The following SSBP2 variants were observed in gnomAD, a reference collection of about 807,000 sequenced individuals.
The protein encoded by SSBP2 is single stranded DNA binding protein 2.
A neutral mutation model predicts 61.8 loss-of-function variants in SSBP2; 17 were observed. That is an observed-to-expected ratio of 0.28 (90% CI 0.19 to 0.41). The LOEUF (loss-of-function observed/expected upper bound fraction) is 0.41. Ranked by LOEUF, SSBP2 falls within the 10% of genes least tolerant of loss-of-function variation. SSBP2 has a pLI of 1.00. For missense variants in SSBP2, 310 were observed against 458.7 expected, an observed-to-expected ratio of 0.68 and a Z score of 2.96; for synonymous variants, 139 against 141.3, an observed-to-expected ratio of 0.98 and a Z score of 0.12.
At chr5:81,724,782 G>C (rs1014963810) in intron 1 of SSBP2, among the ~76,000 whole-genome samples, 1 of 152,032 alleles carries the variant, frequency 6.6e-6, no homozygotes, top group Non-Finnish European at 1.5e-5. Context: ...TACATGTTGT[G>C]ACGTGATGAT....
intron 4 of SSBP2, among the ~76,000 whole-genome samples, chr5:81,535,674 C>T (rs564942922): frequency 6.6e-6 from 1 of 152,016 alleles, no homozygotes; most frequent in Admixed American, 6.5e-5. Flanking sequence ...GCCTTTTCAA[C>T]AAGTGTTGCT....
chr5:81,539,485 A>C (rs1320541289), intron 4 of SSBP2, among the ~76,000 whole-genome samples: 1 of 152,160 alleles, frequency 6.6e-6, no homozygotes, highest in Non-Finnish European at 1.5e-5. Flanking sequence ...ACTAAAACTG[A>C]CTCCAATTTT....
intron 6 of SSBP2, among the ~76,000 whole-genome samples, chr5:81,476,418 C>G (rs1409408522): frequency 6.6e-6 from 1 of 152,190 alleles, no homozygotes; most frequent in Non-Finnish European, 1.5e-5. Context: ...TTGTTCCTAT[C>G]TATGTCTATT....
At chr5:81,615,440 A>G in intron 4 of SSBP2, 33 bp downstream of exon 4, 1 of 1,473,940 alleles carries the variant, frequency 6.8e-7, no homozygotes, top group Non-Finnish European at 9.5e-7. Flanking sequence ...GAAAACTGAC[A>G]GTGTAACTTT....
chr5:81,576,062 C>A (rs897029515), intron 4 of SSBP2, among the ~76,000 whole-genome samples: 6 of 152,092 alleles, frequency 3.9e-5, no homozygotes, highest in African/African-American at 7.2e-5. Context: ...TGGGGTCCAG[C>A]GATATTATCA....
chr5:81,526,857 G>A (rs1346783687), intron 4 of SSBP2, among the ~76,000 whole-genome samples: 1 of 151,770 alleles, frequency 6.6e-6, no homozygotes, highest in African/African-American at 2.4e-5. Flanking sequence ...AAAATAAGGT[G>A]TCCTTTACAG....
In SSBP2 at chr5:81,685,207, C is replaced by T. The variant is rs1382069895; in HGVS notation, c.63-34868G>A. On this transcript the variant is annotated intron_variant, in intron 1 of 16. Transcript: ENST00000320672. ...CTGTTAAGTCTGCAGATCTGTGAGT[C>T]AATTAAATCTCTTCTCTTCATAAAT... 2.0e-5 allele frequency among the ~76,000 whole-genome samples: 3 copies of T among 152,078 alleles called. No homozygotes were observed. The East Asian group carries it at 5.8e-4, about 29-fold the overall frequency.
chr5:81,636,802 C>T (rs746755163), intron 2 of SSBP2, among the ~76,000 whole-genome samples, 184 bp from the exon 3 acceptor site: 3 of 152,204 alleles, frequency 2.0e-5, no homozygotes, highest in Non-Finnish European at 4.4e-5. Flanking sequence ...GGATTAGTCT[C>T]AGAGAGATGT....
At chr5:81,679,090 G>C (rs561607411) in intron 1 of SSBP2, among the ~76,000 whole-genome samples, 1 of 152,300 alleles carries the variant, frequency 6.6e-6, no homozygotes, top group African/African-American at 2.4e-5. Context: ...GCTAACTGCA[G>C]CCTCTGCCTC....
intron 14 of SSBP2, among the ~76,000 whole-genome samples, chr5:81,438,825 T>A (rs1334107083): frequency 6.6e-6 from 1 of 152,226 alleles, no homozygotes; most frequent in East Asian, 1.9e-4. Flanking sequence ...TCAAGAATGG[T>A]GCTGTCCAAT....
chr5:81,644,990 T>C (rs901020216), intron 2 of SSBP2, among the ~76,000 whole-genome samples: 2 of 152,132 alleles, frequency 1.3e-5, no homozygotes, highest in East Asian at 1.9e-4. Flanking sequence ...AATAAGAAAC[T>C]ATACAAGATA....
chr5:81,672,460 G>A (rs1415020897), intron 1 of SSBP2, among the ~76,000 whole-genome samples: 2 of 152,010 alleles, frequency 1.3e-5, no homozygotes, highest in Non-Finnish European at 2.9e-5. Flanking sequence ...TGTTTAAGAT[G>A]ATCTCCACAT....
At chr5:81,707,644 C>T (rs1207111377) in intron 1 of SSBP2, among the ~76,000 whole-genome samples, 5 of 152,134 alleles carry the variant, frequency 3.3e-5, no homozygotes, top group Non-Finnish European at 7.4e-5. Flanking sequence ...TTTGTTACAG[C>T]AGCCCTTGCA....
intron 1 of SSBP2, among the ~76,000 whole-genome samples, chr5:81,666,846 G>A (rs1035616927): frequency 2.6e-5 from 4 of 152,124 alleles, no homozygotes; most frequent in African/African-American, 9.7e-5. Flanking sequence ...CTCACAGAGA[G>A]CATATTGTCC....
At chr5:81,710,016 A>G (rs756619155) in intron 1 of SSBP2, among the ~76,000 whole-genome samples, 1 of 152,064 alleles carries the variant, frequency 6.6e-6, no homozygotes, top group Non-Finnish European at 1.5e-5. Context: ...ATATTCAACT[A>G]CAGATGGCTC....
chr5:81,449,891 A>G (rs1317088732), intron 10 of SSBP2, among the ~76,000 whole-genome samples: 1 of 152,218 alleles, frequency 6.6e-6, no homozygotes, highest in Non-Finnish European at 1.5e-5. Flanking sequence ...AGTGCCCAGC[A>G]TCACTAGGGA....
At chr5:81,563,342 G>A (rs1387027130) in intron 4 of SSBP2, among the ~76,000 whole-genome samples, 2 of 151,956 alleles carry the variant, frequency 1.3e-5, no homozygotes, top group Non-Finnish European at 2.9e-5. Flanking sequence ...TCCAAACTCT[G>A]GAGCATACAT....
intron 1 of SSBP2, among the ~76,000 whole-genome samples, chr5:81,726,292 C>G (rs1049675661): frequency 3.3e-5 from 5 of 152,106 alleles, no homozygotes; most frequent in Non-Finnish European, 7.4e-5. Context: ...GTAACTAAAT[C>G]TGATTTGGGA....
chr5:81,713,819 TAA>T (rs1032895474), intron 1 of SSBP2, among the ~76,000 whole-genome samples: 2 of 151,984 alleles, frequency 1.3e-5, no homozygotes, highest in African/African-American at 4.8e-5. Context: ...AAATAATAGG[TAA>T]AGAGAAGAAA....
Sources: allele counts gnomAD v4.1 joint callset (sites outside exome capture counted in the v4.1 genomes callset), GRCh38; gene constraint gnomAD v4.1.1; transcripts MANE v1.5; gene names NCBI Gene and HGNC (gene_info 2026-07-23, HGNC 2026-07-21).